PKNOX2: variants seen among roughly 807,000 people sequenced by gnomAD.
The protein encoded by PKNOX2 is PBX/knotted 1 homeobox 2, also known as homeobox protein PKNOX2.
Under a neutral mutation model 53.1 loss-of-function variants are expected in PKNOX2, and 14 were observed. The ratio of observed to expected loss-of-function variants is 0.26; its 90% CI spans 0.17 to 0.41. The LOEUF is 0.41. Among genes scored for constraint, PKNOX2 ranks in the 10% least tolerant of loss-of-function variants. PKNOX2 has a pLI of 1.00. For missense variants in PKNOX2, 496 were observed against 602.8 expected (o/e 0.82, Z 1.85); for synonymous variants, 257 against 242.8 (o/e 1.06, Z -0.54).
At chr11:125,348,319 G>C (rs572317605) in intron 3 of PKNOX2, among the ~76,000 whole-genome samples, 1 of 152,178 alleles carries the variant, frequency 6.6e-6, no homozygotes, top group African/African-American at 2.4e-5. Context: ...CTGAGCTCCC[G>C]GAGTGTCAAG....
At chr11:125,190,585 C>T (rs938456670) in intron 1 of PKNOX2, among the ~76,000 whole-genome samples, 1 of 152,110 alleles carries the variant, frequency 6.6e-6, no homozygotes, top group Non-Finnish European at 1.5e-5. Flanking sequence ...CTTTGGTCTC[C>T]CTCTTTTGGT....
intron 5 of PKNOX2, among the ~76,000 whole-genome samples, chr11:125,381,527 A>G (rs1389750958): frequency 6.6e-6 from 1 of 152,082 alleles, no homozygotes; most frequent in Non-Finnish European, 1.5e-5. Flanking sequence ...ATGCCCCCAC[A>G]TACATACACA....
At chr11:125,349,055 T>A (rs1951150787) in intron 3 of PKNOX2, among the ~76,000 whole-genome samples, 1 of 152,218 alleles carries the variant, frequency 6.6e-6, no homozygotes, top group Non-Finnish European at 1.5e-5. Flanking sequence ...TTGGGCCCTA[T>A]CCAAAGTTGC....
intron 3 of PKNOX2, among the ~76,000 whole-genome samples, chr11:125,337,818 C>T (rs75485807): frequency 0.033 from 4,953 of 152,250 alleles, 127 homozygotes; most frequent in East Asian, 0.12. Flanking sequence ...GGATTTGCTA[C>T]TTGGGACCTG....
chr11:125,415,421 T>G (rs1955820763), intron 10 of PKNOX2, among the ~76,000 whole-genome samples: 1 of 152,084 alleles, frequency 6.6e-6, no homozygotes. Flanking sequence ...TGGCTAATTT[T>G]TATATTTTTA....
chr11:125,339,259 T>C (rs1428745450), intron 3 of PKNOX2, among the ~76,000 whole-genome samples: 1 of 152,198 alleles, frequency 6.6e-6, no homozygotes, highest in Non-Finnish European at 1.5e-5. Context: ...GCTCACTGGC[T>C]GCCCATTCAG....
chr11:125,312,982 C>A (rs1353145097), intron 2 of PKNOX2, among the ~76,000 whole-genome samples: 1 of 152,120 alleles, frequency 6.6e-6, no homozygotes, highest in Non-Finnish European at 1.5e-5. Flanking sequence ...GTGTGAAAGG[C>A]AGGGGGGAGG....
intron 2 of PKNOX2, among the ~76,000 whole-genome samples, chr11:125,238,406 C>T (rs952325622): frequency 1.3e-5 from 2 of 152,282 alleles, no homozygotes; most frequent in South Asian, 2.1e-4. Flanking sequence ...CTCACTGAAC[C>T]CTCACACTAT....
chr11:125,218,196 G>T lies in PKNOX2; in HGVS notation c.-200-16849G>T, dbSNP rs115832814. 6.4e-3 allele frequency among the ~76,000 whole-genome samples: 976 copies of T among 152,132 alleles called. 14 individuals are homozygous for T. The highest frequency in any genetic ancestry group is 0.022 in the African/African-American group (927 of 41,442). On this transcript the variant is annotated intron_variant, in intron 1 of 12. Coordinates refer to ENST00000298282, the MANE Select transcript of PKNOX2 (RefSeq NM_001382323.2). ...GGAACAAACAGGATGAAAGGGGGGC[G>T]CTCCGTTCAGGTTTGCAAATGCCAT...
In PKNOX2 at chr11:125,431,385, T is replaced by A. The variant is rs1165276550; in HGVS notation, c.1412T>A (p.Leu471Gln). The change falls in exon 13 of 13, where the codon CTG (leucine) becomes CAG (glutamine). Residue 471 changes from leucine to glutamine, a missense_variant. By Grantham distance (113) the Leu-to-Gln change is moderately radical (BLOSUM62 -2). Coordinates refer to ENST00000298282, the MANE Select transcript of PKNOX2 (RefSeq NM_001382323.2). ...SDLGLEHSDS[L>Q]E ...CTGGGCTTGGAACACAGTGACTCCC[T>A]GGAGTAGTCGGGCAGCCCAGATGGC... 1 of 1,532,168 alleles carries A rather than the reference T, an allele frequency of 6.5e-7. No individual in the cohort carries two copies. Among genetic ancestry groups the A allele is most frequent in the African/African-American group, 1.5e-5 (1 of 67,502 alleles). The allele number at this position is 1,532,168 out of a possible 1,614,324, so 94.9% of individuals were successfully genotyped here.
chr11:125,206,864 A>G (rs1939177097), intron 1 of PKNOX2, among the ~76,000 whole-genome samples: 1 of 151,974 alleles, frequency 6.6e-6, no homozygotes, highest in Non-Finnish European at 1.5e-5. Context: ...CGTTGGCAGT[A>G]TAAGAAGGCT....
chr11:125,425,474 G>T (rs950843738), intron 10 of PKNOX2, among the ~76,000 whole-genome samples: 24 of 152,130 alleles, frequency 1.6e-4, no homozygotes, highest in Non-Finnish European at 4.4e-5. Flanking sequence ...TACTGTCTGG[G>T]CCCTTCTCTT....
At position 125,385,737 on chromosome 11, in the gene PKNOX2, C is replaced by T. The variant is rs749987905; in HGVS notation, c.399+15C>T. On this transcript the variant is annotated intron_variant, in intron 6 of 12. Transcript: ENST00000298282. The stretch of plus-strand genomic sequence containing the variant: ...TGGACAATCTGGTAAAGACCCTCCA[C>T]CCTCTACCCTGGCTAGAGTCTTCCT... The T allele has an allele frequency of 9.9e-6, 16 of 1,611,204 alleles. No individual in the cohort carries two copies. The East Asian group carries it at 3.4e-4, about 34-fold the overall frequency.
chr11:125,203,645 C>A (rs1324987831), intron 1 of PKNOX2, among the ~76,000 whole-genome samples: 1 of 152,194 alleles, frequency 6.6e-6, no homozygotes, highest in African/African-American at 2.4e-5. Flanking sequence ...AACCACAAAC[C>A]CAAATGTGCT....
intron 2 of PKNOX2, among the ~76,000 whole-genome samples, chr11:125,304,415 G>A (rs1948286482): frequency 6.6e-6 from 1 of 152,252 alleles, no homozygotes; most frequent in Non-Finnish European, 1.5e-5. Flanking sequence ...ATATGGCAGA[G>A]GGGGTCCCCA....
chr11:125,417,604 G>T (rs10790734), intron 10 of PKNOX2, among the ~76,000 whole-genome samples: 134,423 of 152,010 alleles, frequency 0.88, 59,764 homozygotes, highest in African/African-American at 0.96. Context: ...CCTATGCAAC[G>T]GGAGGCTCTA....
At chr11:125,267,490 A>G (rs1945447083) in intron 2 of PKNOX2, among the ~76,000 whole-genome samples, 3 of 152,178 alleles carry the variant, frequency 2.0e-5, no homozygotes, top group African/African-American at 7.2e-5. Flanking sequence ...GAGAGGAAGA[A>G]GCTACTGCTT....
intron 1 of PKNOX2, among the ~76,000 whole-genome samples, chr11:125,211,994 A>G (rs1939901148): frequency 6.6e-6 from 1 of 151,962 alleles, no homozygotes; most frequent in Non-Finnish European, 1.5e-5. Context: ...AAAAAAATAC[A>G]CCTCTGTTTG....
At chr11:125,410,722 G>A in intron 8 of PKNOX2, 57 bp from the exon 9 acceptor site, 1 of 1,330,332 alleles carries the variant, frequency 7.5e-7, no homozygotes, top group Non-Finnish European at 1.1e-6. Flanking sequence ...AACCCTGCTT[G>A]CCCTCGCTCC....
Sources: allele counts gnomAD v4.1 joint callset (sites outside exome capture counted in the v4.1 genomes callset), GRCh38; gene constraint gnomAD v4.1.1; transcripts MANE v1.5; gene names NCBI Gene and HGNC (gene_info 2026-07-23, HGNC 2026-07-21).